MCM3AP: variants seen among roughly 807,000 people sequenced by gnomAD.
MCM3AP encodes minichromosome maintenance complex component 3 associated protein, also known as germinal-center associated nuclear protein.
Under a neutral mutation model 184.1 loss-of-function variants are expected in MCM3AP, and 126 were observed. The observed-to-expected ratio is 0.68, with a 90% confidence interval of 0.59 to 0.79. The LOEUF (loss-of-function observed/expected upper bound fraction) is 0.79, where lower values mean the gene tolerates loss of function less well. Among genes scored for constraint, MCM3AP ranks in the 30% least tolerant of loss-of-function variants. The probability of loss-of-function intolerance (pLI) is 0.00; values close to 1 mark genes in which losing one functional copy is unlikely to be tolerated. For synonymous variants in MCM3AP, 1,002 were observed against 979.3 expected, an observed-to-expected ratio of 1.02 and a Z score of -0.43; for missense variants, 2,496 against 2,479.2, an observed-to-expected ratio of 1.01 and a Z score of -0.14.
intron 9 of MCM3AP, among the ~76,000 whole-genome samples, chr21:46,269,412 A>C (rs1006470186): frequency 6.6e-6 from 1 of 152,158 alleles, no homozygotes; most frequent in Non-Finnish European, 1.5e-5. Flanking sequence ...GAGCCAAAGC[A>C]CCCAGCCAAT....
chr21:46,264,284 T>C (rs7283945), intron 12 of MCM3AP, 67 bp from the exon 13 acceptor site: 9 of 1,003,616 alleles, frequency 9.0e-6, no homozygotes, highest in Non-Finnish European at 1.2e-5. Flanking sequence ...GGGTAACATG[T>C]TGTCACCGGA....
At chr21:46,261,120 C>T (rs1408507217) in intron 14 of MCM3AP, among the ~76,000 whole-genome samples, 160 bp downstream of exon 14, 1 of 152,108 alleles carries the variant, frequency 6.6e-6, no homozygotes, top group Non-Finnish European at 1.5e-5. Context: ...CTGAGGAGCT[C>T]CATCCACCCC....
In MCM3AP at chr21:46,285,109, C is replaced by G. The variant is rs1169328530; in HGVS notation, c.178G>C (p.Ala60Pro). The part of the protein sequence containing the change: ...SGFSQVSSFP[A>P]SSGVSHSSSV... ...GAGGAATGACTTACTCCAGAAGACG[C>G]TGGAAAGCTGGATACCTGTGAAAAT... is the stretch of plus-strand genomic sequence containing the variant. Residue 60 changes from alanine (A) to proline (P), a missense_variant, in exon 1 of 28, where the codon GCG becomes CCG. Around this residue, in one of 5 missense-constraint regions of MCM3AP, gnomAD observed 800 missense variants for 717.1 expected, o/e 1.12. Coordinates refer to ENST00000291688, the MANE Select transcript of MCM3AP (RefSeq NM_003906.5). 5.0e-6 allele frequency: 8 copies of G among 1,614,080 alleles called. No individual in the cohort carries two copies. Among genetic ancestry groups the G allele is most frequent in the Non-Finnish European group, 6.8e-6 (8 of 1,180,048 alleles).
intron 17 of MCM3AP, among the ~76,000 whole-genome samples, chr21:46,255,496 C>G (rs1296574013): frequency 6.6e-6 from 1 of 152,018 alleles, no homozygotes; most frequent in Non-Finnish European, 1.5e-5. Context: ...CAGCAACATT[C>G]CAGTGAGGTG....
At chr21:46,254,195 A>C (rs900675315) in intron 19 of MCM3AP, 197 bp downstream of exon 19, 1 of 623,952 alleles carries the variant, frequency 1.6e-6, no homozygotes, top group African/African-American at 1.8e-5. Context: ...AAGTTTATGG[A>C]ATAAAAATTG....
chr21:46,272,414 C>T, intron 8 of MCM3AP, 147 bp downstream of exon 8: 1 of 844,806 alleles, frequency 1.2e-6, no homozygotes, highest in Non-Finnish European at 1.8e-6. Context: ...ACTGCAAAGC[C>T]AGACCAAGGT....
rs780324308 is a variant in MCM3AP, at chr21:46,284,314, G to A, written c.973C>T (p.Arg325Ter). 6.2e-7 allele frequency: 1 copy of A among 1,614,232 alleles called. No homozygotes were observed. The highest frequency in any genetic ancestry group is 8.5e-7 in the Non-Finnish European group (1 of 1,180,048). Reference protein sequence around the residue: ...LSRGDHPPDKRPVRLNRPRGG... With the variant: ...LSRGDHPPDK ...CGGGGTCGATTCAGGCGGACAGGTCGTTTGTCTGGAGGATGATCGCCCCGG... is the reference window on the plus strand; with the variant it reads ...CGGGGTCGATTCAGGCGGACAGGTCATTTGTCTGGAGGATGATCGCCCCGG... Residue 325 changes from arginine to a stop codon, truncating the protein, a stop_gained, in exon 1 of 28, where the codon CGA becomes TGA. Transcript: ENST00000291688. LOFTEE classifies it high-confidence loss of function.
At chr21:46,262,965 C>CAAAA (rs34666984) in intron 13 of MCM3AP, among the ~76,000 whole-genome samples, 296 of 45,684 alleles carry the variant, frequency 6.5e-3, no homozygotes, top group Non-Finnish European at 7.2e-3. Context: ...GACTCCGTCT[C>CAAAA]AAAAAAAAAA....
Position 46,272,774 on chromosome 21 carries a change from C to G in MCM3AP, c.2252G>C (p.Cys751Ser). 1 of 1,613,102 alleles carries G rather than the reference C, an allele frequency of 6.2e-7. No homozygotes were observed. ...DPLTVSLIEKCTRFHIHCAHF... is the reference protein window; with the variant it reads ...DPLTVSLIEKSTRFHIHCAHF... The stretch of plus-strand genomic sequence containing the variant: ...GGCACAGTGGATGTGAAACCGGGTG[C>G]ACTTCTCAATCAGGGACACCGTCAG... The change falls in exon 8 of 28, where the codon TGC becomes TCC. Residue 751 changes from cysteine to serine, a missense_variant. Cys to Ser is a moderately radical substitution (Grantham distance 112). Around this residue, in one of 5 missense-constraint regions of MCM3AP, gnomAD observed 105 missense variants for 97.1 expected, o/e 1.08. Transcript: ENST00000291688.
At chr21:46,247,111 A>G in intron 20 of MCM3AP, 1 of 461,570 alleles carries the variant, frequency 2.2e-6, no homozygotes, top group South Asian at 4.1e-5. Context: ...GTTAGCAAAG[A>G]CTCCCCTCAA....
intron 4 of MCM3AP, among the ~76,000 whole-genome samples, chr21:46,279,682 T>C (rs1308279272): frequency 2.6e-5 from 4 of 151,400 alleles, no homozygotes; most frequent in Non-Finnish European, 1.5e-5. Flanking sequence ...CTCAGCAACC[T>C]TGGCCCTAGG....
intron 4 of MCM3AP, among the ~76,000 whole-genome samples, chr21:46,278,145 C>T (rs2081278818): frequency 7.0e-6 from 1 of 143,726 alleles, no homozygotes; most frequent in Non-Finnish European, 1.5e-5. Context: ...CAGAGTGAGA[C>T]TCTAACTTAC....
chr21:46,258,913 T>C (rs751719640), intron 16 of MCM3AP, 26 bp downstream of exon 16: 1 of 1,613,416 alleles, frequency 6.2e-7, no homozygotes, highest in Admixed American at 1.7e-5. Context: ...GTGTGTGGAT[T>C]TTGCCTGTAG....
intron 27 of MCM3AP, 50 bp downstream of exon 27, chr21:46,236,779 T>C (rs1477583634): frequency 2.3e-6 from 3 of 1,288,056 alleles, no homozygotes; most frequent in Non-Finnish European, 3.2e-6. Flanking sequence ...CCAGCCATTC[T>C]CTCAATCTTT....
Position 46,284,593 on chromosome 21 carries a change from C to T in MCM3AP, c.694G>A (p.Glu232Lys), listed in dbSNP as rs764884068. ...FTPALSNQNV[E>K]EEKRGPKSIF... is the part of the protein sequence containing the mutation. ...GACTTAGGTCCTCTCTTCTCTTCCTCTACATTTTGGTTTGACAAAGCAGGG... is the reference window on the plus strand; with the variant it reads ...GACTTAGGTCCTCTCTTCTCTTCCTTTACATTTTGGTTTGACAAAGCAGGG... Residue 232 changes from glutamate (E) to lysine (K), a missense_variant, in exon 1 of 28, where the codon GAG becomes AAG. Around this residue, in one of 5 missense-constraint regions of MCM3AP, gnomAD observed 800 missense variants for 717.1 expected, o/e 1.12. Transcript: ENST00000291688. The T allele has an allele frequency of 3.1e-6, 5 of 1,614,096 alleles. No individual in the cohort carries two copies. The South Asian group carries it at 5.5e-5, about 18-fold the overall frequency.
At position 46,280,164 on chromosome 21, in the gene MCM3AP, T is replaced by C. The variant is rs773981493; in HGVS notation, c.1523-27A>G. ...TGTGGACATAGGAGGCAGAAAAGAGTTTATGCAATCACAGATCACCTGGAA... is the reference window on the plus strand; with the variant it reads ...TGTGGACATAGGAGGCAGAAAAGAGCTTATGCAATCACAGATCACCTGGAA... On this transcript the variant is annotated intron_variant, in intron 3 of 27. Transcript: ENST00000291688. 1.9e-6 allele frequency: 3 copies of C among 1,611,678 alleles called. 1 individual carries two copies. The highest frequency in any genetic ancestry group is 2.2e-5 in the East Asian group (1 of 44,854).
At chr21:46,262,229 G>A (rs936216121) in intron 13 of MCM3AP, among the ~76,000 whole-genome samples, 2 of 152,136 alleles carry the variant, frequency 1.3e-5, no homozygotes, top group African/African-American at 2.4e-5. Context: ...AAACACTAAC[G>A]AAAAACTAAC....
intron 5 of MCM3AP, 71 bp downstream of exon 5, chr21:46,277,456 C>G: frequency 7.8e-7 from 1 of 1,279,164 alleles, no homozygotes; most frequent in Non-Finnish European, 1.1e-6. Context: ...AAAGGAGTTG[C>G]TCCTGCCCTG....
At chr21:46,271,333 T>G (rs986259372) in intron 8 of MCM3AP, among the ~76,000 whole-genome samples, 13 of 151,124 alleles carry the variant, frequency 8.6e-5, no homozygotes, top group Admixed American at 5.3e-4. Context: ...TGGGTTTTTT[T>G]TTTTTTTTTT....
Sources: allele counts gnomAD v4.1 joint callset (sites outside exome capture counted in the v4.1 genomes callset), GRCh38; gene constraint gnomAD v4.1.1; regional missense constraint gnomAD v4.1.1; transcripts MANE v1.5; gene names NCBI Gene and HGNC (gene_info 2026-07-23, HGNC 2026-07-21).